The following PDE10A variants were observed in gnomAD, a reference collection of about 807,000 sequenced individuals.
PDE10A encodes the protein cAMP and cAMP-inhibited cGMP 3',5'-cyclic phosphodiesterase 10A.
A neutral mutation model predicts 97.7 loss-of-function variants in PDE10A; 39 were observed. The ratio of observed to expected loss-of-function variants is 0.40; its 90% CI spans 0.31 to 0.52. The LOEUF (loss-of-function observed/expected upper bound fraction) is 0.52. Among genes scored for constraint, PDE10A ranks in the 20% least tolerant of loss-of-function variants. The pLI, the probability that PDE10A is intolerant of heterozygous loss-of-function variation, is 0.56. For synonymous variants in PDE10A, 371 were observed against 376.8 expected, an observed-to-expected ratio of 0.98 and a Z score of 0.18; for missense variants, 731 against 1,047.8, an observed-to-expected ratio of 0.70 and a Z score of 4.17.
chr6:165,532,056 T>C (rs771033193), intron 2 of PDE10A, among the ~76,000 whole-genome samples: 29 of 152,206 alleles, frequency 1.9e-4, no homozygotes, highest in Non-Finnish European at 4.0e-4. Flanking sequence ...AGCATATTCA[T>C]TGTATCCAAA....
At chr6:165,860,479 A>T (rs1294862331) in intron 1 of PDE10A, among the ~76,000 whole-genome samples, 2 of 152,196 alleles carry the variant, frequency 1.3e-5, no homozygotes, top group East Asian at 3.9e-4. Flanking sequence ...CAAAACAAAC[A>T]AACAAAAAAA....
chr6:165,525,037 G>A lies in PDE10A; in HGVS notation c.994+18403C>T, dbSNP rs570510327. On this transcript the variant is annotated intron_variant, in intron 2 of 21. Transcript: ENST00000539869. ...CTTGAGGCAACAGTGATGGCCTCCC[G>A]AGGCAGCTGCCAGGGAAAATGATGT... Among the ~76,000 whole-genome samples, 6 of 152,172 alleles carry A rather than the reference G, an allele frequency of 3.9e-5. No homozygotes were observed. In the South Asian group the frequency reaches 6.2e-4, roughly 16 times the overall value.
chr6:165,753,796 A>AT (rs967427256), intron 1 of PDE10A, among the ~76,000 whole-genome samples: 3 of 152,204 alleles, frequency 2.0e-5, no homozygotes, highest in South Asian at 2.1e-4. Context: ...GGTTACACAC[A>AT]TTTTTTTCCA....
At chr6:165,858,883 T>C (rs1780822396) in intron 1 of PDE10A, among the ~76,000 whole-genome samples, 1 of 152,178 alleles carries the variant, frequency 6.6e-6, no homozygotes, top group African/African-American at 2.4e-5. Context: ...AGAAATACTC[T>C]TTGAGGGTAG....
At position 165,418,689 on chromosome 6, in the gene PDE10A, T is replaced by C. The variant is rs977885707; in HGVS notation, c.1742A>G (p.Asp581Gly). ...KNKELYSDLFDIGEEKEGKPV... is the reference protein window; with the variant it reads ...KNKELYSDLFGIGEEKEGKPV... ...TTTTCCTTCCTTTTCCTCTCCAATA[T>C]CAAAAAGGTCTGAATATAACTCCTT... Residue 581 changes from aspartate to glycine, a missense_variant, in exon 11 of 22, where the codon GAT (aspartate) becomes GGT (glycine). By Grantham distance (94) the Asp-to-Gly change is moderately conservative. Transcript: ENST00000539869. The surrounding 1 kb of genome is among the most constrained non-coding windows in gnomAD (Gnocchi z 4.8). The C allele has an allele frequency of 6.2e-7, 1 of 1,613,154 alleles. No individual in the cohort carries two copies. The highest frequency in any genetic ancestry group is 8.5e-7 in the Non-Finnish European group (1 of 1,179,462).
At chr6:165,962,980 A>G (rs781086386) in intron 1 of PDE10A, among the ~76,000 whole-genome samples, 1 of 152,246 alleles carries the variant, frequency 6.6e-6, no homozygotes. Flanking sequence ...GCACACACCC[A>G]CACGCGTGGT....
At chr6:165,682,006 A>G (rs1020895499) in intron 1 of PDE10A, among the ~76,000 whole-genome samples, 4 of 152,228 alleles carry the variant, frequency 2.6e-5, no homozygotes, top group African/African-American at 9.6e-5. Flanking sequence ...TCATATAGCT[A>G]TCGTGAACGC....
chr6:165,908,322 G>A (rs1782355355), intron 1 of PDE10A, among the ~76,000 whole-genome samples: 1 of 152,176 alleles, frequency 6.6e-6, no homozygotes, highest in African/African-American at 2.4e-5. Flanking sequence ...ACGAGAAAGT[G>A]CCTCCCAAAG....
intron 13 of PDE10A, among the ~76,000 whole-genome samples, chr6:165,406,797 C>T (rs952039634): frequency 6.6e-6 from 1 of 152,156 alleles, no homozygotes; most frequent in African/African-American, 2.4e-5. Context: ...AGGACCCAGA[C>T]AGAACAGAAA....
At chr6:165,414,608 T>C (rs1308826111) in intron 12 of PDE10A, among the ~76,000 whole-genome samples, 1 of 152,232 alleles carries the variant, frequency 6.6e-6, no homozygotes, top group Non-Finnish European at 1.5e-5. Flanking sequence ...TTTGGGCAAT[T>C]ATAAATAATT....
chr6:165,621,759 A>G (rs1788145115), intron 1 of PDE10A, among the ~76,000 whole-genome samples: 1 of 132,856 alleles, frequency 7.5e-6, no homozygotes, highest in Admixed American at 7.4e-5. Flanking sequence ...TCTTATCTAA[A>G]AAAGAAAAAA....
At chr6:165,664,473 G>A (rs1323614925), upstream of PDE10A, among the ~76,000 whole-genome samples, 1 of 152,174 alleles carries the variant, frequency 6.6e-6, no homozygotes, top group Non-Finnish European at 1.5e-5. Flanking sequence ...GCGATTGCCG[G>A]GCAGATTCTG....
chr6:165,946,498 TAAAAA>T (rs57063900), intron 1 of PDE10A, among the ~76,000 whole-genome samples: 3 of 128,526 alleles, frequency 2.3e-5, no homozygotes, highest in Admixed American at 8.4e-5. Flanking sequence ...TATCTCAAAA[TAAAAA>T]AAAAAAAAAA....
chr6:165,940,057 A>G (rs993255447), intron 1 of PDE10A: 1 of 152,248 alleles, frequency 6.6e-6, no homozygotes, highest in African/African-American at 2.4e-5. Flanking sequence ...GGCAATGGGT[A>G]AACCTTACAC....
At chr6:165,804,208 C>CTGA (rs1157116946) in intron 1 of PDE10A, among the ~76,000 whole-genome samples, 3 of 152,008 alleles carry the variant, frequency 2.0e-5, no homozygotes, top group Non-Finnish European at 4.4e-5. Context: ...GGGGGGTGGG[C>CTGA]TGATGGGCAG....
intron 1 of PDE10A, among the ~76,000 whole-genome samples, chr6:165,700,262 CAG>C (rs1445573815): frequency 4.0e-5 from 6 of 151,862 alleles, no homozygotes; most frequent in Non-Finnish European, 8.8e-5. Flanking sequence ...TCTATAAAGA[CAG>C]AAGATGGTTG....
At chr6:165,875,240 T>G (rs553738749) in intron 1 of PDE10A, among the ~76,000 whole-genome samples, 1 of 152,166 alleles carries the variant, frequency 6.6e-6, no homozygotes, top group Non-Finnish European at 1.5e-5. Flanking sequence ...CAGGAGAGGT[T>G]GCTACACTGT....
At chr6:165,625,737 T>C (rs1192576744) in intron 1 of PDE10A, among the ~76,000 whole-genome samples, 1 of 152,162 alleles carries the variant, frequency 6.6e-6, no homozygotes, top group Non-Finnish European at 1.5e-5. Flanking sequence ...ATGTAAGAAG[T>C]GCCTTTCACC....
chr6:165,651,957 G>A (rs144204643), intron 1 of PDE10A, among the ~76,000 whole-genome samples: 35 of 152,024 alleles, frequency 2.3e-4, no homozygotes, highest in African/African-American at 8.2e-4. Context: ...ATTCTGCCAC[G>A]TGTCTGGGTT....
Sources: allele counts gnomAD v4.1 joint callset (sites outside exome capture counted in the v4.1 genomes callset), GRCh38; gene constraint gnomAD v4.1.1; non-coding constraint Gnocchi (gnomAD v3.1); transcripts MANE v1.5; gene names NCBI Gene and HGNC (gene_info 2026-07-23, HGNC 2026-07-21).